The following STXBP4 variants were observed in gnomAD, a reference collection of about 807,000 sequenced individuals.
The protein encoded by STXBP4 is syntaxin-binding protein 4.
Under a neutral mutation model 76.1 loss-of-function variants are expected in STXBP4, and 55 were observed. The observed-to-expected ratio is 0.72, with a 90% CI of 0.58 to 0.91. STXBP4 has a LOEUF of 0.91. STXBP4 is among the 40% of genes least tolerant of loss of function. The pLI is 0.00. For synonymous variants in STXBP4, 201 were observed against 220.2 expected, an observed-to-expected ratio of 0.91 and a Z score of 0.77; for missense variants, 618 against 636.9, an observed-to-expected ratio of 0.97 and a Z score of 0.32.
intron 16 of STXBP4, among the ~76,000 whole-genome samples, chr17:55,139,148 G>T (rs1192927045): frequency 1.3e-5 from 2 of 152,072 alleles, no homozygotes; most frequent in Admixed American, 1.3e-4. Context: ...TTATAAGTCT[G>T]TTATAAAGTT....
intron 16 of STXBP4, among the ~76,000 whole-genome samples, chr17:55,099,373 G>A (rs2079536146): frequency 6.6e-6 from 1 of 152,174 alleles, no homozygotes; most frequent in African/African-American, 2.4e-5. Flanking sequence ...TCATCATTGT[G>A]CAAATATCAT....
intron 1 of STXBP4, among the ~76,000 whole-genome samples, chr17:54,977,209 A>G (rs930950063): frequency 4.6e-5 from 7 of 152,198 alleles, no homozygotes; most frequent in African/African-American, 9.7e-5. Flanking sequence ...AGAAAAAAAC[A>G]TGCACTAGTA....
At chr17:55,194,426 G>A in the STXBP4 span, among the ~76,000 whole-genome samples, 35 of 152,266 alleles carry the variant, frequency 2.3e-4, 1 homozygote, top group South Asian at 7.1e-3. Context: ...CAAAGTAGCA[G>A]TGAGGAATCT....
chr17:55,205,991 G>A, the STXBP4 span, among the ~76,000 whole-genome samples: 10 of 151,870 alleles, frequency 6.6e-5, no homozygotes, highest in East Asian at 1.9e-4. Context: ...TTAAATATTC[G>A]TGAATATATT....
chr17:55,024,930 G>A (rs2078384561), intron 8 of STXBP4, among the ~76,000 whole-genome samples: 1 of 152,016 alleles, frequency 6.6e-6, no homozygotes, highest in Non-Finnish European at 1.5e-5. Context: ...GAGGTCAGGA[G>A]ATCGAAACCA....
chr17:54,984,339 CT>C (rs60222961), intron 1 of STXBP4, among the ~76,000 whole-genome samples: 6,779 of 81,182 alleles, frequency 0.084, 255 homozygotes, highest in East Asian at 0.25. Context: ...TTTCTTTTTT[CT>C]TTTTTTTTTT....
chr17:55,002,582 T>G (rs1395337587), intron 7 of STXBP4, among the ~76,000 whole-genome samples: 1 of 152,228 alleles, frequency 6.6e-6, no homozygotes, highest in African/African-American at 2.4e-5. Context: ...GTTTTGTTAC[T>G]CTAAAAAGCA....
chr17:55,135,269 A>G (rs2080016537), intron 16 of STXBP4, among the ~76,000 whole-genome samples: 2 of 152,150 alleles, frequency 1.3e-5, no homozygotes, highest in South Asian at 4.1e-4. Flanking sequence ...GTGACTTCTA[A>G]CTAGAAATAG....
At chr17:55,061,268 C>G (rs1227572561) in intron 12 of STXBP4, among the ~76,000 whole-genome samples, 1 of 152,042 alleles carries the variant, frequency 6.6e-6, no homozygotes, top group East Asian at 1.9e-4. Context: ...ATAAGTGATT[C>G]CTAAAGTACT....
rs139230534 is a variant in STXBP4 at position 55,018,916 on chromosome 17, T to G, written c.666+11319T>G. On this transcript the variant is annotated intron_variant, in intron 8 of 17. Transcript: ENST00000376352. ...GGCCATCTGGATGTATACGTGCAGG[T>G]CACTGGGGATATGATGGCTTAGCTT... 4.7e-3 allele frequency among the ~76,000 whole-genome samples: 717 copies of G among 152,362 alleles called. 4 individuals are homozygous for G. Among genetic ancestry groups the G allele is most frequent in the African/African-American group, 0.016 (680 of 41,584 alleles).
intron 5 of STXBP4, 39 bp downstream of exon 5, chr17:54,999,490 A>T (rs1302660504): frequency 8.4e-6 from 13 of 1,548,216 alleles, no homozygotes; most frequent in African/African-American, 1.4e-5. Context: ...AGTCATTTAG[A>T]ATGTCTCCTT....
chr17:55,070,777 AT>A (rs142145447), intron 12 of STXBP4, among the ~76,000 whole-genome samples: 1 of 152,080 alleles, frequency 6.6e-6, no homozygotes, highest in East Asian at 1.9e-4. Flanking sequence ...TTGATCTAGT[AT>A]TGTTTCACAG....
the STXBP4 span, among the ~76,000 whole-genome samples, chr17:55,187,251 T>C: frequency 1.3e-5 from 2 of 152,068 alleles, no homozygotes; most frequent in African/African-American, 2.4e-5. Context: ...AGGATGTCCA[T>C]GTATATGCAG....
intron 12 of STXBP4, among the ~76,000 whole-genome samples, chr17:55,070,851 C>T (rs2079110928): frequency 6.6e-6 from 1 of 152,176 alleles, no homozygotes; most frequent in Non-Finnish European, 1.5e-5. Context: ...GTAACATCCT[C>T]TTTTCTTCAT....
At chr17:55,037,118 A>G (rs932212043) in intron 10 of STXBP4, among the ~76,000 whole-genome samples, 4 of 152,138 alleles carry the variant, frequency 2.6e-5, no homozygotes, top group Non-Finnish European at 5.9e-5. Context: ...TGAAGCACTG[A>G]TTTATCAGAA....
At chr17:55,146,361 C>T (rs1057244292) in intron 17 of STXBP4, among the ~76,000 whole-genome samples, 46 of 152,154 alleles carry the variant, frequency 3.0e-4, no homozygotes, top group African/African-American at 1.1e-3. Context: ...CTCACTTTCT[C>T]TCTGGGTCTC....
intron 1 of STXBP4, among the ~76,000 whole-genome samples, chr17:54,969,207 C>T (rs568326158): frequency 6.6e-6 from 1 of 152,302 alleles, no homozygotes; most frequent in Non-Finnish European, 1.5e-5. Context: ...GTGGAAAGCA[C>T]CACAGCTGGA....
Position 54,999,843 on chromosome 17 carries a change from G to A in STXBP4, c.498+1G>A, listed in dbSNP as rs1439124518. The A allele has an allele frequency of 3.1e-6, 5 of 1,598,676 alleles. No individual in the cohort carries two copies. The Admixed American group carries it at 6.8e-5, about 22-fold the overall frequency. On this transcript the variant is annotated splice_donor_variant, in intron 6 of 17. Coordinates refer to ENST00000376352, the MANE Select transcript of STXBP4 (RefSeq NM_178509.6). LOFTEE classifies it high-confidence loss of function. ...TAATGACATTTTATCTTCTTGTGAGGTAAGTCAGGTAATCTTAAATTTCTC... is the reference window on the plus strand; with the variant it reads ...TAATGACATTTTATCTTCTTGTGAGATAAGTCAGGTAATCTTAAATTTCTC...
At position 55,099,474 on chromosome 17, in the gene STXBP4, T is replaced by C. The variant is rs1205849877; in HGVS notation, c.1489+18291T>C. Among the ~76,000 whole-genome samples, 3 of 152,220 alleles carry C rather than the reference T, an allele frequency of 2.0e-5. No individual in the cohort carries two copies. The East Asian group carries it at 5.8e-4, about 29-fold the overall frequency. ...ATTGATCCTAGGCTTCAAGTATGTATAGCAGAAACTGTACTGAATACTGTA... is the reference window on the plus strand; with the variant it reads ...ATTGATCCTAGGCTTCAAGTATGTACAGCAGAAACTGTACTGAATACTGTA... On this transcript the variant is annotated intron_variant, in intron 16 of 17. Coordinates refer to ENST00000376352, the MANE Select transcript of STXBP4 (RefSeq NM_178509.6).
Sources: allele counts gnomAD v4.1 joint callset (sites outside exome capture counted in the v4.1 genomes callset), GRCh38; gene constraint gnomAD v4.1.1; transcripts MANE v1.5; gene names NCBI Gene and HGNC (gene_info 2026-07-23, HGNC 2026-07-21).